FAM3B: variants seen among roughly 807,000 people sequenced by gnomAD.
FAM3B encodes protein FAM3B.
In FAM3B, 29 loss-of-function variants were observed where a neutral mutation model predicts 28.4. That is an observed-to-expected ratio of 1.02 (90% CI 0.76 to 1.39). The LOEUF is 1.39. Ranked by LOEUF, FAM3B falls within the 40% of genes most tolerant of loss-of-function variation. The probability of loss-of-function intolerance (pLI) is 0.00; values close to 1 mark genes in which losing one functional copy is unlikely to be tolerated. For missense variants in FAM3B, 266 were observed against 293.9 expected (o/e 0.91, Z 0.69); for synonymous variants, 91 against 103.0 (o/e 0.88, Z 0.71).
At chr21:41,342,340 G>GT (rs1009146128) in intron 3 of FAM3B, among the ~76,000 whole-genome samples, 1 of 152,078 alleles carries the variant, frequency 6.6e-6, no homozygotes, top group Non-Finnish European at 1.5e-5. Flanking sequence ...CTTCTTTGGA[G>GT]TTTTTTTGAG....
chr21:41,338,417 C>T lies in FAM3B; in HGVS notation c.203C>T (p.Pro68Leu). ...PKRQKCDHWT[P>L]CPSDTYAYRL... ...AGGCAAAAATGTGACCACTGGACTC[C>T]CTGCCCATCTGACACCTATGCCTAC... Residue 68 changes from proline (P) to leucine (L), a missense_variant, in exon 3 of 8, where the codon CCC becomes CTC. By Grantham distance (98) the Pro-to-Leu change is moderately conservative. Coordinates refer to ENST00000357985, the MANE Select transcript of FAM3B (RefSeq NM_058186.4). The T allele has an allele frequency of 1.2e-6, 2 of 1,614,176 alleles. No individual in the cohort carries two copies. Among genetic ancestry groups the T allele is most frequent in the Non-Finnish European group, 1.7e-6 (2 of 1,180,030 alleles).
intron 7 of FAM3B, among the ~76,000 whole-genome samples, chr21:41,352,015 G>T (rs2089124766): frequency 6.6e-6 from 1 of 152,168 alleles, no homozygotes; most frequent in Non-Finnish European, 1.5e-5. Context: ...CTCCCTGTGT[G>T]TGTGACAAGC....
Position 41,326,941 on chromosome 21 carries a change from A to G in FAM3B, c.163+3875A>G, listed in dbSNP as rs1472152717. ...GCTGCCTCTGCCTTGGGAACCTGTC[A>G]TGGGATTGAGGCCAGGCCTGGTGCC... On this transcript the variant is annotated intron_variant, in intron 2 of 7. Transcript: ENST00000357985. The surrounding 1 kb of genome is among the most constrained non-coding windows in gnomAD (Gnocchi z 4.0). Among the ~76,000 whole-genome samples the G allele has an allele frequency of 2.0e-5, 3 of 152,126 alleles. No individual in the cohort carries two copies. Among genetic ancestry groups the G allele is most frequent in the Non-Finnish European group, 4.4e-5 (3 of 68,022 alleles).
In FAM3B at chr21:41,326,972, A is replaced by G. The variant is rs1431178964; in HGVS notation, c.163+3906A>G. 6.6e-6 allele frequency among the ~76,000 whole-genome samples: 1 copy of G among 152,136 alleles called. No homozygotes were observed. The highest frequency in any genetic ancestry group is 2.4e-5 in the African/African-American group (1 of 41,428). ...TTGAGGCCAGGCCTGGTGCCCTTTGATCATTGCAAAGGCTCCCAGTGCCTG... is the reference window on the plus strand; with the variant it reads ...TTGAGGCCAGGCCTGGTGCCCTTTGGTCATTGCAAAGGCTCCCAGTGCCTG... On this transcript the variant is annotated intron_variant, in intron 2 of 7. Transcript: ENST00000357985. This position sits in a 1 kb window ranked among gnomAD's most constrained non-coding sequence, Gnocchi z 4.0.
rs972647937 is a variant in FAM3B at position 41,347,169 on chromosome 21, T to A, written c.485+69T>A. ...AGCTGGGGCAGAGGCTGCCAGGGTC[T>A]CTCAGTGACATCCTCTGGGGACAAG... On this transcript the variant is annotated intron_variant, in intron 6 of 7. Transcript: ENST00000357985. 2.3e-6 allele frequency: 3 copies of A among 1,289,586 alleles called. No homozygotes were observed. The Admixed American group carries it at 5.0e-5, about 22-fold the overall frequency. The allele number at this position is 1,289,586 out of a possible 1,614,324, so 79.9% of individuals were successfully genotyped here.
intron 7 of FAM3B, among the ~76,000 whole-genome samples, chr21:41,351,733 G>A (rs946863556): frequency 3.9e-5 from 6 of 152,312 alleles, no homozygotes; most frequent in African/African-American, 7.2e-5. Flanking sequence ...TAGGCACAGC[G>A]CCTGGGCCAC....
chr21:41,348,517 A>C lies in FAM3B; in HGVS notation c.486-75A>C. ...CCTCCATCCAAGGATGCACAGCGTA[A>C]CACATCCAGAGCAGAGTTCCTCTCC... On this transcript the variant is annotated intron_variant, in intron 6 of 7. Coordinates refer to ENST00000357985, the MANE Select transcript of FAM3B (RefSeq NM_058186.4). The C allele has an allele frequency of 1.9e-6, 3 of 1,570,884 alleles. No homozygotes were observed. The East Asian group carries it at 6.7e-5, about 35-fold the overall frequency.
intron 3 of FAM3B, among the ~76,000 whole-genome samples, chr21:41,343,860 A>G (rs992596206): frequency 5.9e-5 from 9 of 152,212 alleles, no homozygotes; most frequent in Non-Finnish European, 1.0e-4. Context: ...GCTCATGTCT[A>G]TAATCCCAGC....
At position 41,343,607 on chromosome 21, in the gene FAM3B, A is replaced by G. The variant is rs572925727; in HGVS notation, c.288-869A>G. On this transcript the variant is annotated intron_variant, in intron 3 of 7. Coordinates refer to ENST00000357985, the MANE Select transcript of FAM3B (RefSeq NM_058186.4). ...GTGTTCGCTATTCCAAAGCATGGAAAAAGGAGGAAGCCTTCCAAATTATTT... is the reference window on the plus strand; with the variant it reads ...GTGTTCGCTATTCCAAAGCATGGAAGAAGGAGGAAGCCTTCCAAATTATTT... Among the ~76,000 whole-genome samples the G allele has an allele frequency of 3.3e-5, 5 of 152,320 alleles. No homozygotes were observed. In the South Asian group the frequency reaches 1.0e-3, roughly 32 times the overall value.
chr21:41,325,636 A>T (rs2088848888), intron 2 of FAM3B, among the ~76,000 whole-genome samples: 1 of 152,248 alleles, frequency 6.6e-6, no homozygotes, highest in Non-Finnish European at 1.5e-5. Context: ...ACTTGGCTTC[A>T]TACAGAGCCA....
intron 2 of FAM3B, among the ~76,000 whole-genome samples, chr21:41,332,527 C>G (rs1451148523): frequency 6.6e-6 from 1 of 152,114 alleles, no homozygotes; most frequent in Non-Finnish European, 1.5e-5. Context: ...CAGGGTAATG[C>G]TGGCCTCATA....
At chr21:41,334,477 G>C (rs1446219571) in intron 2 of FAM3B, among the ~76,000 whole-genome samples, 1 of 152,146 alleles carries the variant, frequency 6.6e-6, no homozygotes, top group Non-Finnish European at 1.5e-5. Flanking sequence ...GCTCAAAGGG[G>C]CCCAGGTATA....
intron 1 of FAM3B, among the ~76,000 whole-genome samples, chr21:41,306,338 A>G (rs959321429): frequency 3.9e-5 from 6 of 152,208 alleles, no homozygotes; most frequent in African/African-American, 1.4e-4. Context: ...TGAATCACAA[A>G]TGTTCTTAAT....
intron 1 of FAM3B, among the ~76,000 whole-genome samples, chr21:41,318,324 GC>G (rs2088768226): frequency 6.6e-6 from 1 of 152,194 alleles, no homozygotes; most frequent in African/African-American, 2.4e-5. Flanking sequence ...TTTGTTTCAG[GC>G]AGACGTTCCC....
intron 2 of FAM3B, among the ~76,000 whole-genome samples, chr21:41,324,487 A>G (rs1274093569): frequency 6.6e-6 from 1 of 152,208 alleles, no homozygotes; most frequent in Non-Finnish European, 1.5e-5. Context: ...CTTGTGCTTT[A>G]TACATAGATT....
chr21:41,341,694 G>T (rs551958330), intron 3 of FAM3B, among the ~76,000 whole-genome samples: 4 of 152,204 alleles, frequency 2.6e-5, no homozygotes, highest in Non-Finnish European at 5.9e-5. Context: ...GTATGATACT[G>T]CATTGCATGA....
chr21:41,336,437 G>A lies in FAM3B; in HGVS notation c.164-1941G>A, dbSNP rs541940022. Among the ~76,000 whole-genome samples, 35 of 152,240 alleles carry A rather than the reference G, an allele frequency of 2.3e-4. 1 individual carries two copies. Among genetic ancestry groups the A allele is most frequent in the African/African-American group, 1.4e-4 (6 of 41,544 alleles). ...CTTGGGAGGGTGAGGCAGGAGAATC[G>A]CTTGAACCTGAGAGGCGGAGGTTGC... is the stretch of plus-strand genomic sequence containing the variant. On this transcript the variant is annotated intron_variant, in intron 2 of 7. Coordinates refer to ENST00000357985, the MANE Select transcript of FAM3B (RefSeq NM_058186.4).
chr21:41,335,157 G>A lies in FAM3B; in HGVS notation c.164-3221G>A, dbSNP rs183282213. 4.5e-4 allele frequency among the ~76,000 whole-genome samples: 69 copies of A among 152,298 alleles called. 2 individuals are homozygous for A. Among genetic ancestry groups the A allele is most frequent in the Non-Finnish European group, 1.3e-4 (9 of 68,028 alleles). On this transcript the variant is annotated intron_variant, in intron 2 of 7. Coordinates refer to ENST00000357985, the MANE Select transcript of FAM3B (RefSeq NM_058186.4). ...ACAGGCTTGTAGGTGGAAGAGATTT[G>A]CCTTGTCCCAGATGAGACTTGGGAC...
chr21:41,357,326 C>A lies in FAM3B; in HGVS notation c.*129C>A. ...TTTGGGTTTGTTGTAAACCAATGAA[C>A]ATTTGCTAGTTGTATCAAATCTTGG... On this transcript the variant is annotated 3_prime_UTR_variant, in exon 8 of 8. Transcript: ENST00000357985. 2.1e-6 allele frequency: 1 copy of A among 486,028 alleles called. No homozygotes were observed. The allele number at this position is 486,028 out of a possible 1,614,324, so 30.1% of individuals were successfully genotyped here.
Sources: gnomAD v4.1 joint callset for allele counts (sites outside exome capture counted in the v4.1 genomes callset) on GRCh38, gnomAD v4.1.1 for gene constraint, Gnocchi (gnomAD v3.1) non-coding constraint, MANE v1.5 for transcripts, NCBI Gene and HGNC (gene_info 2026-07-23, HGNC 2026-07-21) for gene names.